Variants in TEK observed in about 807,000 individuals in gnomAD.
TEK encodes the protein angiopoietin-1 receptor.
A neutral mutation model predicts 131.8 loss-of-function variants in TEK; 43 were observed. The ratio of observed to expected loss-of-function variants is 0.33; its 90% CI spans 0.26 to 0.42. The LOEUF (loss-of-function observed/expected upper bound fraction) is 0.42. TEK is among the 10% of genes least tolerant of loss of function. The pLI, the probability that TEK is intolerant of heterozygous loss-of-function variation, is 1.00. For missense variants in TEK, 1,162 were observed against 1,384.4 expected, an observed-to-expected ratio of 0.84 and a Z score of 2.55; for synonymous variants, 580 against 491.6, an observed-to-expected ratio of 1.18 and a Z score of -2.38.
intron 21 of TEK, 111 bp downstream of exon 21, chr9:27,220,256 C>A: frequency 1.1e-6 from 1 of 917,048 alleles, no homozygotes; most frequent in South Asian, 1.4e-5. Flanking sequence ...CAAACACCTA[C>A]ACACAGAGAT....
intron 6 of TEK, among the ~76,000 whole-genome samples, chr9:27,176,101 C>T (rs1359279597): frequency 2.6e-5 from 4 of 152,098 alleles, no homozygotes; most frequent in African/African-American, 9.7e-5. Context: ...CTGTTCATTC[C>T]ATCCAAAAAG....
At chr9:27,138,220 T>C (rs146873767) in intron 1 of TEK, among the ~76,000 whole-genome samples, 1 of 152,192 alleles carries the variant, frequency 6.6e-6, no homozygotes, top group East Asian at 1.9e-4. Flanking sequence ...TTCCACAGTG[T>C]GGAAGGGGAT....
chr9:27,139,116 G>C (rs2131080977), intron 1 of TEK, among the ~76,000 whole-genome samples: 2 of 150,030 alleles, frequency 1.3e-5, no homozygotes, highest in Admixed American at 1.3e-4. Context: ...GGGAGGCTGA[G>C]GCAGGAGAAT....
intron 16 of TEK, 91 bp from the exon 17 acceptor site, chr9:27,212,615 TG>T: frequency 7.2e-7 from 1 of 1,397,430 alleles, no homozygotes. Context: ...TTAGACAAAA[TG>T]GAGTTTATAG....
In TEK at chr9:27,205,651, T is replaced by G. The variant is rs557513676; in HGVS notation, c.2364+586T>G. 3.9e-5 allele frequency among the ~76,000 whole-genome samples: 6 copies of G among 152,262 alleles called. No individual in the cohort carries two copies. In the Middle Eastern group the frequency reaches 0.01, roughly 259 times the overall value. On this transcript the variant is annotated intron_variant, in intron 14 of 22. Transcript: ENST00000380036. ...CCTCATTTTTTTTTTCATCTAGGAA[T>G]TCTAACCAGTAGCAAAGGCCTATAA...
chr9:27,220,229 C>A, intron 21 of TEK, 84 bp downstream of exon 21: 1 of 1,274,644 alleles, frequency 7.8e-7, no homozygotes, highest in Non-Finnish European at 1.1e-6. Context: ...GCAAAGTCAG[C>A]CGGTATACAC....
At chr9:27,216,805 C>G (rs892606705) in intron 18 of TEK, among the ~76,000 whole-genome samples, 4 of 152,032 alleles carry the variant, frequency 2.6e-5, no homozygotes, top group Non-Finnish European at 2.9e-5. Context: ...CTCAAGTGCT[C>G]CTGGTTTTGT....
At chr9:27,202,736 T>C in intron 12 of TEK, 84 bp from the exon 13 acceptor site, 1 of 1,438,810 alleles carries the variant, frequency 7.0e-7, no homozygotes, top group Non-Finnish European at 9.7e-7. Flanking sequence ...TTATATGAGC[T>C]GACATGAACT....
chr9:27,112,625 A>G (rs774877563), intron 1 of TEK, among the ~76,000 whole-genome samples: 6 of 152,106 alleles, frequency 3.9e-5, no homozygotes, highest in Non-Finnish European at 7.4e-5. Context: ...TGGGCTCTAA[A>G]TTCTTCTGAA....
intron 13 of TEK, 43 bp downstream of exon 13, chr9:27,203,162 C>T: frequency 6.2e-7 from 1 of 1,604,594 alleles, no homozygotes; most frequent in Non-Finnish European, 8.5e-7. Context: ...TACCGTGCAG[C>T]CCTATAGGCA....
intron 20 of TEK, among the ~76,000 whole-genome samples, chr9:27,219,476 A>AGGGCCTGTCAGAGGGTAGGGAACAAG (rs1359737355): frequency 2.0e-5 from 3 of 152,148 alleles, no homozygotes; most frequent in African/African-American, 7.2e-5. Context: ...ATCACACACT[A>AGGGCCTGTCAGAGGGTAGGGAACAAG]GGGCCTGTCA....
In TEK at chr9:27,220,089, C is replaced by T. The variant is rs542612983; in HGVS notation, c.3144C>T (p.Tyr1048=). Residue 1048 remains tyrosine (Y), a synonymous_variant, in exon 21 of 23, where the codon TAC becomes TAT. Transcript: ENST00000380036. Reference sequence around the variant, plus strand: ...GCGGGATGACTTGTGCAGAACTCTACGAGAAGCTGCCCCAGGGCTACAGAC... The same window carrying T: ...GCGGGATGACTTGTGCAGAACTCTATGAGAAGCTGCCCCAGGGCTACAGAC... ...PYCGMTCAEL[Y]EKLPQGYRLE... 37 of 1,614,034 alleles carry T rather than the reference C, an allele frequency of 2.3e-5. No homozygotes were observed. The highest frequency in any genetic ancestry group is 5.5e-5 in the South Asian group (5 of 91,072).
At chr9:27,219,074 C>T (rs1290456382) in intron 20 of TEK, among the ~76,000 whole-genome samples, 2 of 137,560 alleles carry the variant, frequency 1.5e-5, no homozygotes, top group African/African-American at 5.6e-5. Flanking sequence ...GTACAAGTTG[C>T]CAGGTTAACT....
intron 9 of TEK, 23 bp downstream of exon 9, chr9:27,185,652 G>C: frequency 6.2e-7 from 1 of 1,613,256 alleles, no homozygotes; most frequent in Non-Finnish European, 8.5e-7. Flanking sequence ...CCCAGAAAAA[G>C]GGATTGTGTC....
intron 6 of TEK, among the ~76,000 whole-genome samples, chr9:27,177,364 T>C (rs1824206846): frequency 6.6e-6 from 1 of 152,238 alleles, no homozygotes. Context: ...AGGCGTGATG[T>C]GATATCTCAT....
chr9:27,152,298 G>A (rs1823155491), intron 1 of TEK, among the ~76,000 whole-genome samples: 1 of 152,068 alleles, frequency 6.6e-6, no homozygotes, highest in Non-Finnish European at 1.5e-5. Context: ...AGCCTGCGAT[G>A]CAATAATTTA....
At chr9:27,202,332 C>T (rs1825246214) in intron 12 of TEK, among the ~76,000 whole-genome samples, 1 of 152,190 alleles carries the variant, frequency 6.6e-6, no homozygotes, top group South Asian at 2.1e-4. Flanking sequence ...GACTACAGAG[C>T]CAGACTGCCA....
chr9:27,197,645 T>C, intron 12 of TEK, 46 bp downstream of exon 12: 2 of 1,609,982 alleles, frequency 1.2e-6, no homozygotes, highest in Non-Finnish European at 1.7e-6. Flanking sequence ...AATAAGGGGC[T>C]ACCGCCATGC....
intron 1 of TEK, among the ~76,000 whole-genome samples, chr9:27,147,922 T>G (rs888894825): frequency 9.2e-5 from 14 of 152,232 alleles, no homozygotes; most frequent in African/African-American, 3.4e-4. Flanking sequence ...CCACCTAAAT[T>G]TCAGTCTCAG....
Sources: gnomAD v4.1 joint callset for allele counts (sites outside exome capture counted in the v4.1 genomes callset) on GRCh38, gnomAD v4.1.1 for gene constraint, MANE v1.5 for transcripts, NCBI Gene and HGNC (gene_info 2026-07-23, HGNC 2026-07-21) for gene names.